Variants in PHACTR1 observed in about 807,000 individuals in gnomAD.
The protein encoded by PHACTR1 is phosphatase and actin regulator 1.
In PHACTR1, 16 loss-of-function variants were observed where a neutral mutation model predicts 69.2. The observed-to-expected ratio is 0.23, with a 90% CI of 0.16 to 0.35. The LOEUF is 0.35. PHACTR1 is among the 10% of genes least tolerant of loss of function. The probability of loss-of-function intolerance (pLI) is 1.00; values close to 1 mark genes in which losing one functional copy is unlikely to be tolerated. For missense variants in PHACTR1, 510 were observed against 734.7 expected (o/e 0.69, Z 3.54); for synonymous variants, 312 against 284.5 (o/e 1.10, Z -0.97).
chr6:13,156,944 T>C (rs890777105), intron 5 of PHACTR1, among the ~76,000 whole-genome samples: 17 of 152,240 alleles, frequency 1.1e-4, no homozygotes, highest in Admixed American at 2.6e-4. Context: ...CCTGCCTAGA[T>C]GCCTGTAATC....
At chr6:12,955,042 C>T (rs993346720) in intron 4 of PHACTR1, among the ~76,000 whole-genome samples, 1 of 152,038 alleles carries the variant, frequency 6.6e-6, no homozygotes, top group Non-Finnish European at 1.5e-5. Flanking sequence ...CATAATATTT[C>T]ATTAATTTTT....
chr6:12,904,405 G>A (rs1052573551), intron 4 of PHACTR1, among the ~76,000 whole-genome samples: 15 of 151,804 alleles, frequency 9.9e-5, no homozygotes, highest in Admixed American at 9.2e-4. Context: ...GTGGTGGCAG[G>A]TGCCTGTAAT....
intron 4 of PHACTR1, among the ~76,000 whole-genome samples, chr6:12,780,454 T>C (rs1427451399): frequency 2.0e-5 from 3 of 152,210 alleles, no homozygotes; most frequent in Admixed American, 2.0e-4. Context: ...GTAAACTTCA[T>C]ACACAGCAAA....
In PHACTR1 at chr6:13,160,262, C is replaced by T. The variant is rs1484104569; in HGVS notation, c.474C>T (p.Val158=). 1.2e-5 allele frequency: 19 copies of T among 1,613,472 alleles called. No homozygotes were observed. Among genetic ancestry groups the T allele is most frequent in the Non-Finnish European group, 1.5e-5 (18 of 1,179,682 alleles). Residue 158 remains valine, a synonymous_variant, in exon 6 of 15, where the codon GTC becomes GTT. Coordinates refer to ENST00000332995, the MANE Select transcript of PHACTR1 (RefSeq NM_030948.6). The part of the protein sequence containing the change: ...QSREELIKRG[V]LKEIYDKDGE... ...GAGAAGAGCTGATAAAGCGAGGAGT[C>T]CTGAAGGAAATCTATGATAAAGGTA...
chr6:12,826,988 C>T (rs1224750394), intron 4 of PHACTR1, among the ~76,000 whole-genome samples: 2 of 152,072 alleles, frequency 1.3e-5, no homozygotes, highest in Non-Finnish European at 2.9e-5. Context: ...TGTGGGATAC[C>T]CACTTTCCCT....
At chr6:12,791,694 A>C (rs1186114743) in intron 4 of PHACTR1, among the ~76,000 whole-genome samples, 1 of 152,224 alleles carries the variant, frequency 6.6e-6, no homozygotes, top group East Asian at 1.9e-4. Flanking sequence ...AGATTATATG[A>C]GACCATGAAT....
At chr6:12,763,759 T>A (rs1161137265) in intron 4 of PHACTR1, among the ~76,000 whole-genome samples, 1 of 152,202 alleles carries the variant, frequency 6.6e-6, no homozygotes, top group Non-Finnish European at 1.5e-5. Context: ...AATGTCAATA[T>A]CTCACCAATT....
intron 4 of PHACTR1, among the ~76,000 whole-genome samples, chr6:12,898,178 A>G (rs774718104): frequency 6.6e-6 from 1 of 151,608 alleles, no homozygotes; most frequent in Non-Finnish European, 1.5e-5. Context: ...CTCTCTGTCC[A>G]TTTTTGCCAC....
chr6:13,129,844 G>A (rs1820131760), intron 5 of PHACTR1, among the ~76,000 whole-genome samples: 1 of 151,940 alleles, frequency 6.6e-6, no homozygotes, highest in African/African-American at 2.4e-5. Flanking sequence ...CCCAACAACT[G>A]TAGAATATAC....
intron 4 of PHACTR1, among the ~76,000 whole-genome samples, chr6:12,936,541 G>C (rs916286484): frequency 6.6e-6 from 1 of 152,202 alleles, no homozygotes; most frequent in Admixed American, 6.5e-5. Context: ...TTAAGTGACT[G>C]TTTACATCTG....
At chr6:13,056,913 T>A (rs1806869474) in intron 5 of PHACTR1, among the ~76,000 whole-genome samples, 1 of 152,148 alleles carries the variant, frequency 6.6e-6, no homozygotes, top group South Asian at 2.1e-4. Flanking sequence ...CTGGTTAAAC[T>A]GACTTACCAG....
intron 4 of PHACTR1, among the ~76,000 whole-genome samples, chr6:13,015,540 G>A (rs371893266): frequency 6.6e-6 from 1 of 152,220 alleles, no homozygotes; most frequent in South Asian, 2.1e-4. Context: ...AGCTTGAGAT[G>A]CAGGCTAAAA....
chr6:12,733,636 G>A (rs1228992913), intron 3 of PHACTR1, among the ~76,000 whole-genome samples: 2 of 152,196 alleles, frequency 1.3e-5, no homozygotes, highest in African/African-American at 4.8e-5. Context: ...TCTACATCCT[G>A]TTGTCTTCTT....
At chr6:13,070,814 A>AC (rs1319493890) in intron 5 of PHACTR1, among the ~76,000 whole-genome samples, 3 of 152,082 alleles carry the variant, frequency 2.0e-5, no homozygotes, top group Non-Finnish European at 4.4e-5. Flanking sequence ...CCTGCTTAAA[A>AC]AAAACAAAAC....
At chr6:12,846,335 C>A (rs975152709) in intron 4 of PHACTR1, among the ~76,000 whole-genome samples, 3 of 152,140 alleles carry the variant, frequency 2.0e-5, no homozygotes, top group African/African-American at 7.2e-5. Flanking sequence ...TAAGTTGGTA[C>A]CAACACATGT....
intron 5 of PHACTR1, among the ~76,000 whole-genome samples, chr6:13,055,884 G>A (rs545097677): frequency 8.1e-4 from 123 of 152,242 alleles, no homozygotes; most frequent in Non-Finnish European, 1.4e-3. Flanking sequence ...GTGACAAGCA[G>A]AGTTGCTAAC....
intron 4 of PHACTR1, among the ~76,000 whole-genome samples, chr6:12,911,823 G>T (rs1045401181): frequency 1.3e-5 from 2 of 152,132 alleles, no homozygotes; most frequent in African/African-American, 4.8e-5. Flanking sequence ...GTCATTTAAA[G>T]TAGCTAAGTC....
intron 4 of PHACTR1, among the ~76,000 whole-genome samples, chr6:13,020,046 G>A (rs1342387589): frequency 1.3e-5 from 2 of 152,168 alleles, no homozygotes. Flanking sequence ...ATAAAGGTGA[G>A]TTTGTTGAAG....
intron 10 of PHACTR1, among the ~76,000 whole-genome samples, chr6:13,261,198 C>T (rs529453817): frequency 6.6e-6 from 1 of 152,262 alleles, no homozygotes; most frequent in African/African-American, 2.4e-5. Context: ...GTCTGGCAGC[C>T]AAGAGCAGAC....
Sources: allele counts gnomAD v4.1 joint callset (sites outside exome capture counted in the v4.1 genomes callset), GRCh38; gene constraint gnomAD v4.1.1; transcripts MANE v1.5; gene names NCBI Gene and HGNC (gene_info 2026-07-23, HGNC 2026-07-21).